Variants in MSMB observed in about 807,000 individuals in gnomAD.
The protein encoded by MSMB is beta-microseminoprotein.
A neutral mutation model predicts 10.5 loss-of-function variants in MSMB; 10 were observed. The ratio of observed to expected loss-of-function variants is 0.95; its 90% CI spans 0.59 to 1.62. The LOEUF (loss-of-function observed/expected upper bound fraction) is 1.62, where lower values mean the gene tolerates loss of function less well. MSMB is among the 40% of genes most tolerant of loss of function. MSMB has a pLI of 0.00. For synonymous variants in MSMB, 43 were observed against 46.5 expected, an observed-to-expected ratio of 0.93 and a Z score of 0.30; for missense variants, 126 against 137.4, an observed-to-expected ratio of 0.92 and a Z score of 0.42.
At chr10:46,033,649 A>C in intron 3 of MSMB, 98 bp from the exon 4 acceptor site, 1 of 1,533,752 alleles carries the variant, frequency 6.5e-7, no homozygotes, top group Non-Finnish European at 8.8e-7. Context: ...CCACACTCCA[A>C]CTTAAGGGCA....
chr10:46,039,588 C>T (rs1554928123), intron 2 of MSMB, among the ~76,000 whole-genome samples: 2 of 152,166 alleles, frequency 1.3e-5, no homozygotes, highest in Non-Finnish European at 2.9e-5. Flanking sequence ...TCTTAGAAGG[C>T]TGCCCAAGTG....
At chr10:46,045,333 A>G (rs1184779001) in intron 1 of MSMB, among the ~76,000 whole-genome samples, 1 of 152,092 alleles carries the variant, frequency 6.6e-6, no homozygotes, top group Non-Finnish European at 1.5e-5. Context: ...GGAGTTCAAG[A>G]CCAGCCTGGG....
intron 3 of MSMB, 100 bp from the exon 4 acceptor site, chr10:46,033,651 T>C: frequency 6.5e-7 from 1 of 1,536,262 alleles, no homozygotes; most frequent in South Asian, 1.2e-5. Context: ...ACACTCCAAC[T>C]TAAGGGCACC....
At position 46,040,011 on chromosome 10, in the gene MSMB, C is replaced by A; in HGVS notation, c.84G>T (p.Glu28Asp). ...TCCTGGTTGAATCTCCTGGAACTCC[C>A]TCATTAGGTATGAAATAGCATGATG... is the stretch of plus-strand genomic sequence containing the variant. ...CNASCYFIPN[E>D]GVPGDSTRKC... The change falls in exon 2 of 4, where the codon GAG (glutamate) becomes GAT (aspartate). Residue 28 changes from glutamate (E) to aspartate (D), a missense_variant. Physicochemically the swap from Glu to Asp is conservative, Grantham distance 45 (BLOSUM62 2). Coordinates refer to ENST00000582163, the MANE Select transcript of MSMB (RefSeq NM_002443.4). 6.2e-7 allele frequency: 1 copy of A among 1,613,938 alleles called. No individual in the cohort carries two copies. The highest frequency in any genetic ancestry group is 8.5e-7 in the Non-Finnish European group (1 of 1,179,824).
intron 3 of MSMB, among the ~76,000 whole-genome samples, chr10:46,036,753 C>T (rs562787502): frequency 3.9e-5 from 6 of 152,260 alleles, no homozygotes; most frequent in East Asian, 3.9e-4. Flanking sequence ...ACCAGGACCA[C>T]GAGAATCCCA....
At chr10:46,046,050 T>C (rs1328634108) in intron 1 of MSMB, among the ~76,000 whole-genome samples, 185 bp downstream of exon 1, 2 of 152,168 alleles carry the variant, frequency 1.3e-5, no homozygotes, top group Non-Finnish European at 2.9e-5. Context: ...GCTAAACTCA[T>C]TACAATTTTC....
intron 1 of MSMB, among the ~76,000 whole-genome samples, chr10:46,045,353 A>G (rs1243270988): frequency 6.6e-6 from 1 of 152,048 alleles, no homozygotes; most frequent in African/African-American, 2.4e-5. Context: ...GCAGCATAGC[A>G]AAATCCTATC....
chr10:46,038,871 T>C lies in MSMB; in HGVS notation c.215+95A>G. ...GTCTATAAAAAACTAAAACAAAAAC[T>C]AAACCCCTGAAGATTGGAATTTTGC... On this transcript the variant is annotated intron_variant, in intron 3 of 3. Transcript: ENST00000582163. The C allele has an allele frequency of 4.8e-6, 5 of 1,044,780 alleles. No individual in the cohort carries two copies. The Admixed American group carries it at 1.1e-4, about 23-fold the overall frequency. 64.7% of individuals were successfully genotyped at this position (1,044,780 alleles called of 1,614,324 possible).
At chr10:46,045,612 A>G (rs945306571) in intron 1 of MSMB, among the ~76,000 whole-genome samples, 7 of 152,322 alleles carry the variant, frequency 4.6e-5, no homozygotes, top group African/African-American at 1.7e-4. Context: ...AAAAGGGCCT[A>G]GGGAAATGGT....
At chr10:46,039,697 C>T (rs577427225) in intron 2 of MSMB, among the ~76,000 whole-genome samples, 1 of 152,150 alleles carries the variant, frequency 6.6e-6, no homozygotes, top group African/African-American at 2.4e-5. Flanking sequence ...GCCTGGCCAA[C>T]GTGGCAAAGC....
At chr10:46,040,452 G>A (rs1840715660) in intron 1 of MSMB, among the ~76,000 whole-genome samples, 4 of 152,196 alleles carry the variant, frequency 2.6e-5, no homozygotes, top group Admixed American at 2.6e-4. Flanking sequence ...GAAGTTCTCT[G>A]CCACTAAGCC....
intron 1 of MSMB, among the ~76,000 whole-genome samples, chr10:46,041,140 T>C (rs782808228): frequency 1.3e-5 from 2 of 151,992 alleles, no homozygotes; most frequent in African/African-American, 4.8e-5. Flanking sequence ...ACTCAGGCAA[T>C]TGAAACCACC....
At chr10:46,037,910 C>T (rs992691255) in intron 3 of MSMB, among the ~76,000 whole-genome samples, 1 of 152,184 alleles carries the variant, frequency 6.6e-6, no homozygotes. Context: ...AATGTGGTCT[C>T]TCCATATTAC....
intron 1 of MSMB, among the ~76,000 whole-genome samples, chr10:46,044,531 G>C (rs1049005856): frequency 7.3e-6 from 1 of 136,638 alleles, no homozygotes; most frequent in African/African-American, 2.8e-5. Flanking sequence ...AGCCGAGATT[G>C]CGCCACTGCA....
chr10:46,046,133 T>G (rs559659255), intron 1 of MSMB, 102 bp downstream of exon 1: 44 of 1,226,894 alleles, frequency 3.6e-5, no homozygotes, highest in Non-Finnish European at 5.2e-5. Context: ...CTAGGTCACA[T>G]TTACCATTCA....
chr10:46,041,669 C>G (rs1840757434), intron 1 of MSMB, among the ~76,000 whole-genome samples: 1 of 151,934 alleles, frequency 6.6e-6, no homozygotes, highest in African/African-American at 2.4e-5. Context: ...TGGTGTGTCC[C>G]TGTAGTCTCT....
chr10:46,035,109 A>T (rs1394819773), intron 3 of MSMB, among the ~76,000 whole-genome samples: 1 of 152,124 alleles, frequency 6.6e-6, no homozygotes, highest in Non-Finnish European at 1.5e-5. Context: ...TCATATGTTT[A>T]CTTAGAAAAT....
intron 3 of MSMB, among the ~76,000 whole-genome samples, chr10:46,037,561 C>T (rs543918536): frequency 3.3e-5 from 5 of 152,308 alleles, no homozygotes; most frequent in Admixed American, 2.6e-4. Flanking sequence ...CAGCAGAAAA[C>T]ATCTGCATAG....
intron 1 of MSMB, among the ~76,000 whole-genome samples, chr10:46,044,575 GAAAAAAAAAAAAAA>G (rs56061175): frequency 1.4e-3 from 55 of 38,524 alleles, no homozygotes; most frequent in Admixed American, 3.8e-3. Context: ...CTCCGTCTCA[GAAAAAAAAAAAAAA>G]AAAAAAAAAA....
Sources: gnomAD v4.1 joint callset for allele counts (sites outside exome capture counted in the v4.1 genomes callset) on GRCh38, gnomAD v4.1.1 for gene constraint, MANE v1.5 for transcripts, NCBI Gene and HGNC (gene_info 2026-07-23, HGNC 2026-07-21) for gene names.